NUPR1: variants seen among roughly 807,000 people sequenced by gnomAD.
NUPR1 encodes the protein nuclear protein 1, transcriptional regulator.
A neutral mutation model predicts 7.3 loss-of-function variants in NUPR1; 8 were observed. The ratio of observed to expected loss-of-function variants is 1.09; its 90% CI spans 0.64 to 1.97. The LOEUF is 1.97. NUPR1 is among the 30% of genes most tolerant of loss of function. The pLI is 0.00. For missense variants in NUPR1, 96 were observed against 111.7 expected (o/e 0.86, Z 0.63); for synonymous variants, 39 against 44.5 (o/e 0.88, Z 0.49).
rs1406590742 is a variant in NUPR1 at position 28,535,592 on chromosome 16, C to CT, written c.*2090dup. 2.9e-3 allele frequency: 107 copies of CT among 36,964 alleles called. 1 individual carries two copies. Among genetic ancestry groups the CT allele is most frequent in the African/African-American group, 0.01 (87 of 8,400 alleles). The allele number at this position is 36,964 out of a possible 1,614,324, so 2.3% of individuals were successfully genotyped here. On this transcript the variant is annotated 3_prime_UTR_variant, in exon 3 of 3. Coordinates refer to ENST00000324873, the MANE Select transcript of NUPR1 (RefSeq NM_012385.3). ...CCTTCCTTTCTTTCTTTCTTTCTTTCTTTCTTTCTTTCTTTCTTTCTTTCT... is the reference window on the plus strand; with the variant it reads ...CCTTCCTTTCTTTCTTTCTTTCTTTCTTTTCTTTCTTTCTTTCTTTCTTTCT...
rs1813046265 is a variant in NUPR1 at position 28,538,956 on chromosome 16, C to G, written c.-49G>C. On this transcript the variant is annotated 5_prime_UTR_variant, in exon 1 of 3. Transcript: ENST00000324873. ...CTCTCTTCTTCTCCTAACGCTTTGT[C>G]TGTCTCTGCTTTCCTGGCCCCGGGC... 1 of 1,510,656 alleles carries G rather than the reference C, an allele frequency of 6.6e-7. No individual in the cohort carries two copies. Among genetic ancestry groups the G allele is most frequent in the East Asian group, 2.3e-5 (1 of 43,852 alleles). The allele number at this position is 1,510,656 out of a possible 1,614,324, so 93.6% of individuals were successfully genotyped here.
rs1052066355 is a variant in NUPR1 at position 28,533,522 on chromosome 16, G to A, written c.*4161C>T. 1 of 152,340 alleles carries A rather than the reference G, an allele frequency of 6.6e-6. No homozygotes were observed. The highest frequency in any genetic ancestry group is 1.5e-5 in the Non-Finnish European group (1 of 68,200). 9.4% of individuals were successfully genotyped at this position (152,340 alleles called of 1,614,324 possible). Reference sequence around the variant, plus strand: ...TGAGTAGGTGGGCCCACAGGCACAAGCCACCACACCTGGCTAATTTTTAAT... The same window carrying A: ...TGAGTAGGTGGGCCCACAGGCACAAACCACCACACCTGGCTAATTTTTAAT... On this transcript the variant is annotated 3_prime_UTR_variant, in exon 3 of 3. Transcript: ENST00000324873.
Position 28,535,571 on chromosome 16 carries a change from C to CTTTCTTTCTTTCCTTCCTTT in NUPR1, c.*2111_*2112insAAAGGAAGGAAAGAAAGAAA, listed in dbSNP as rs1555472555. On this transcript the variant is annotated 3_prime_UTR_variant, in exon 3 of 3. Transcript: ENST00000324873. Reference sequence around the variant, plus strand: ...TCTTTCTTTCTTTCTTTCCTTCCTTCCTTTCTTTCTTTCTTTCTTTCTTTC... The same window carrying CTTTCTTTCTTTCCTTCCTTT: ...TCTTTCTTTCTTTCTTTCCTTCCTTCTTTCTTTCTTTCCTTCCTTTCTTTCTTTCTTTCTTTCTTTCTTTC... 1.4e-4 allele frequency: 10 copies of CTTTCTTTCTTTCCTTCCTTT among 71,948 alleles called. No individual in the cohort carries two copies. Among genetic ancestry groups the CTTTCTTTCTTTCCTTCCTTT allele is most frequent in the South Asian group, 5.3e-4 (1 of 1,896 alleles). The allele number at this position is 71,948 out of a possible 1,614,324, so 4.5% of individuals were successfully genotyped here. A position where few individuals can be genotyped will look rare whatever the true frequency, so the allele number is the denominator to read the frequency against.
rs1269133854 is a variant in NUPR1 at position 28,535,700 on chromosome 16, CTTCT to C, written c.*1979_*1982del. 3 of 137,156 alleles carry C rather than the reference CTTCT, an allele frequency of 2.2e-5. No individual in the cohort carries two copies. Among genetic ancestry groups the C allele is most frequent in the African/African-American group, 5.4e-5 (2 of 36,880 alleles). The allele number at this position is 137,156 out of a possible 1,614,324, so 8.5% of individuals were successfully genotyped here. ...TTCCTTCCTTTCTTTTCCTTCCTTCCTTCTTTTTCTCTTTCTTTCTTTCTTTCTT... is the reference window on the plus strand; with the variant it reads ...TTCCTTCCTTTCTTTTCCTTCCTTCCTTTTCTCTTTCTTTCTTTCTTTCTT... On this transcript the variant is annotated 3_prime_UTR_variant, in exon 3 of 3. Coordinates refer to ENST00000324873, the MANE Select transcript of NUPR1 (RefSeq NM_012385.3).
Position 28,534,844 on chromosome 16 carries a change from C to G in NUPR1, c.*2839G>C, listed in dbSNP as rs903712061. 7 of 152,118 alleles carry G rather than the reference C, an allele frequency of 4.6e-5. No homozygotes were observed. Among genetic ancestry groups the G allele is most frequent in the Non-Finnish European group, 1.0e-4 (7 of 68,034 alleles). The allele number at this position is 152,118 out of a possible 1,614,324, so 9.4% of individuals were successfully genotyped here. A position where few individuals can be genotyped will look rare whatever the true frequency, so the allele number is the denominator to read the frequency against. On this transcript the variant is annotated 3_prime_UTR_variant, in exon 3 of 3. Transcript: ENST00000324873. ...CAGGTATTGGAGTAGCTATTTTGGGCCTCAAAGTGGAAGCCATGTTTTGGG... is the reference window on the plus strand; with the variant it reads ...CAGGTATTGGAGTAGCTATTTTGGGGCTCAAAGTGGAAGCCATGTTTTGGG...
rs1204878952 is a variant in NUPR1, at chr16:28,535,596, C to CT, written c.*2086dup. ...CCTTTCTTTCTTTCTTTCTTTCTTT[C>CT]TTTCTTTCTTTCTTTCTTTCTTTCT... On this transcript the variant is annotated 3_prime_UTR_variant, in exon 3 of 3. Transcript: ENST00000324873. The CT allele has an allele frequency of 4.7e-4, 20 of 42,462 alleles. No individual in the cohort carries two copies. The highest frequency in any genetic ancestry group is 2.6e-3 in the African/African-American group (17 of 6,544). The allele number at this position is 42,462 out of a possible 1,614,324, so 2.6% of individuals were successfully genotyped here.
rs866770607 is a variant in NUPR1 at position 28,533,242 on chromosome 16, A to G, written c.*4441T>C. The G allele has an allele frequency of 2.6e-5, 4 of 152,238 alleles. No homozygotes were observed. The highest frequency in any genetic ancestry group is 5.9e-5 in the Non-Finnish European group (4 of 68,066). 9.4% of individuals were successfully genotyped at this position (152,238 alleles called of 1,614,324 possible). A position where few individuals can be genotyped will look rare whatever the true frequency, so the allele number is the denominator to read the frequency against. Reference sequence around the variant, plus strand: ...GAGTTAATATGTAACTTGTATGGAAAGAGGAGTTGGAGGCAAAATCTGAAG... The same window carrying G: ...GAGTTAATATGTAACTTGTATGGAAGGAGGAGTTGGAGGCAAAATCTGAAG... On this transcript the variant is annotated 3_prime_UTR_variant, in exon 3 of 3. Coordinates refer to ENST00000324873, the MANE Select transcript of NUPR1 (RefSeq NM_012385.3).
chr16:28,535,560 T>TTTCTTTCCTTCCTTCC lies in NUPR1; in HGVS notation c.*2122_*2123insGGAAGGAAGGAAAGAA, dbSNP rs2046608462. 31 of 64,236 alleles carry TTTCTTTCCTTCCTTCC rather than the reference T, an allele frequency of 4.8e-4. No individual in the cohort carries two copies. Among genetic ancestry groups the TTTCTTTCCTTCCTTCC allele is most frequent in the East Asian group, 9.1e-4 (2 of 2,192 alleles). 4.0% of individuals were successfully genotyped at this position (64,236 alleles called of 1,614,324 possible). A position where few individuals can be genotyped will look rare whatever the true frequency, so the allele number is the denominator to read the frequency against. On this transcript the variant is annotated 3_prime_UTR_variant, in exon 3 of 3. Transcript: ENST00000324873. The stretch of plus-strand genomic sequence containing the variant: ...CTTTCTTTCCTTCTTTCTTTCTTTC[T>TTTCTTTCCTTCCTTCC]TTCCTTCCTTCCTTTCTTTCTTTCT...
Position 28,535,544 on chromosome 16 carries a change from C to CTTTCTTTCTCT in NUPR1, c.*2138_*2139insAGAGAAAGAAA, listed in dbSNP as rs1406601108. 1.7e-5 allele frequency: 1 copy of CTTTCTTTCTCT among 58,122 alleles called. No homozygotes were observed. Among genetic ancestry groups the CTTTCTTTCTCT allele is most frequent in the African/African-American group, 6.0e-5 (1 of 16,694 alleles). The allele number at this position is 58,122 out of a possible 1,614,324, so 3.6% of individuals were successfully genotyped here. On this transcript the variant is annotated 3_prime_UTR_variant, in exon 3 of 3. Transcript: ENST00000324873. ...CTTTCTTTCTTTCTTTCTTTCTTTC[C>CTTTCTTTCTCT]TTCTTTCTTTCTTTCTTTCCTTCCT... is the stretch of plus-strand genomic sequence containing the variant.
chr16:28,535,564 C>CTTCT lies in NUPR1; in HGVS notation c.*2118_*2119insAGAA, dbSNP rs1567277437. On this transcript the variant is annotated 3_prime_UTR_variant, in exon 3 of 3. Transcript: ENST00000324873. ...CTTTCCTTCTTTCTTTCTTTCTTTC[C>CTTCT]TTCCTTCCTTTCTTTCTTTCTTTCT... The CTTCT allele has an allele frequency of 3.5e-5, 2 of 57,738 alleles. No homozygotes were observed. The highest frequency in any genetic ancestry group is 7.3e-5 in the Non-Finnish European group (2 of 27,578). 3.6% of individuals were successfully genotyped at this position (57,738 alleles called of 1,614,324 possible).
At chr16:28,538,380 G>A in intron 1 of NUPR1, 1 of 638,178 alleles carries the variant, frequency 1.6e-6, no homozygotes, top group Non-Finnish European at 2.7e-6. Flanking sequence ...AGGGTCCAAG[G>A]AACAGGTTGG....
Position 28,535,567 on chromosome 16 carries a change from C to CCTTCCTTCCTTT in NUPR1, c.*2115_*2116insAAAGGAAGGAAG. The stretch of plus-strand genomic sequence containing the variant: ...TCCTTCTTTCTTTCTTTCTTTCCTT[C>CCTTCCTTCCTTT]CTTCCTTTCTTTCTTTCTTTCTTTC... On this transcript the variant is annotated 3_prime_UTR_variant, in exon 3 of 3. Coordinates refer to ENST00000324873, the MANE Select transcript of NUPR1 (RefSeq NM_012385.3). 1 of 67,444 alleles carries CCTTCCTTCCTTT rather than the reference C, an allele frequency of 1.5e-5. No individual in the cohort carries two copies. Among genetic ancestry groups the CCTTCCTTCCTTT allele is most frequent in the South Asian group, 6.6e-4 (1 of 1,512 alleles). The allele number at this position is 67,444 out of a possible 1,614,324, so 4.2% of individuals were successfully genotyped here. A position where few individuals can be genotyped will look rare whatever the true frequency, so the allele number is the denominator to read the frequency against.
intron 2 of NUPR1, 149 bp from the exon 3 acceptor site, chr16:28,537,818 TG>T (rs2046634518): frequency 1.8e-6 from 1 of 561,968 alleles, no homozygotes; most frequent in Non-Finnish European, 3.1e-6. Context: ...TCCCTTCAAT[TG>T]GAAAGGTTCT....
In NUPR1 at chr16:28,535,571, C is replaced by CCTTTCTTTCTTT. The variant is rs61474495; in HGVS notation, c.*2100_*2111dup. 35 of 71,950 alleles carry CCTTTCTTTCTTT rather than the reference C, an allele frequency of 4.9e-4. 1 individual carries two copies. The highest frequency in any genetic ancestry group is 1.8e-3 in the African/African-American group (31 of 16,932). 4.5% of individuals were successfully genotyped at this position (71,950 alleles called of 1,614,324 possible). A position where few individuals can be genotyped will look rare whatever the true frequency, so the allele number is the denominator to read the frequency against. On this transcript the variant is annotated 3_prime_UTR_variant, in exon 3 of 3. Transcript: ENST00000324873. ...TCTTTCTTTCTTTCTTTCCTTCCTT[C>CCTTTCTTTCTTT]CTTTCTTTCTTTCTTTCTTTCTTTC...
In NUPR1 at chr16:28,536,282, G is replaced by A. The variant is rs1190341392; in HGVS notation, c.*1401C>T. 1 of 152,260 alleles carries A rather than the reference G, an allele frequency of 6.6e-6. No individual in the cohort carries two copies. The highest frequency in any genetic ancestry group is 2.4e-5 in the African/African-American group (1 of 41,454). 9.4% of individuals were successfully genotyped at this position (152,260 alleles called of 1,614,324 possible). ...GCAGGAGAATAGCTTGAACCCAGGA[G>A]GCGGAGGTTGCAGTGAGCTGCGATC... On this transcript the variant is annotated 3_prime_UTR_variant, in exon 3 of 3. Coordinates refer to ENST00000324873, the MANE Select transcript of NUPR1 (RefSeq NM_012385.3).
chr16:28,536,499 A>C lies in NUPR1; in HGVS notation c.*1184T>G, dbSNP rs1438575211. 6.6e-6 allele frequency: 1 copy of C among 152,156 alleles called. No individual in the cohort carries two copies. The highest frequency in any genetic ancestry group is 1.5e-5 in the Non-Finnish European group (1 of 68,130). 9.4% of individuals were successfully genotyped at this position (152,156 alleles called of 1,614,324 possible). On this transcript the variant is annotated 3_prime_UTR_variant, in exon 3 of 3. Coordinates refer to ENST00000324873, the MANE Select transcript of NUPR1 (RefSeq NM_012385.3). ...GATGGTGCCACTGCACTCTAACCTG[A>C]GCAACAGAGTGAGACTCTGTCTCAA... is the stretch of plus-strand genomic sequence containing the variant.
chr16:28,537,188 G>C lies in NUPR1; in HGVS notation c.*495C>G, dbSNP rs1293608515. 3 of 152,178 alleles carry C rather than the reference G, an allele frequency of 2.0e-5. No homozygotes were observed. Among genetic ancestry groups the C allele is most frequent in the Non-Finnish European group, 4.4e-5 (3 of 68,068 alleles). The allele number at this position is 152,178 out of a possible 1,614,324, so 9.4% of individuals were successfully genotyped here. On this transcript the variant is annotated 3_prime_UTR_variant, in exon 3 of 3. Coordinates refer to ENST00000324873, the MANE Select transcript of NUPR1 (RefSeq NM_012385.3). ...GCAAGCAAAAGCAAACAAACCAAAA[G>C]CTGCATTCACAGCGTAGACCCTGCA...
chr16:28,538,972 G>T lies in NUPR1; in HGVS notation c.-65C>A. The T allele has an allele frequency of 7.4e-7, 1 of 1,344,252 alleles. No individual in the cohort carries two copies. The highest frequency in any genetic ancestry group is 1.0e-6 in the Non-Finnish European group (1 of 962,986). The allele number at this position is 1,344,252 out of a possible 1,614,324, so 83.3% of individuals were successfully genotyped here. A position where few individuals can be genotyped will look rare whatever the true frequency, so the allele number is the denominator to read the frequency against. The stretch of plus-strand genomic sequence containing the variant: ...ACGCTTTGTCTGTCTCTGCTTTCCT[G>T]GCCCCGGGCCTCTCCACTCCCTCAG... On this transcript the variant is annotated 5_prime_UTR_variant, in exon 1 of 3. Coordinates refer to ENST00000324873, the MANE Select transcript of NUPR1 (RefSeq NM_012385.3).
chr16:28,537,971 C>G, intron 2 of NUPR1, 35 bp downstream of exon 2: 1 of 1,554,396 alleles, frequency 6.4e-7, no homozygotes, highest in Non-Finnish European at 8.8e-7. Context: ...GGCAGAAGCA[C>G]CACCTTGAGC....
Sources: allele counts gnomAD v4.1 joint callset, GRCh38; gene constraint gnomAD v4.1.1; transcripts MANE v1.5; gene names NCBI Gene and HGNC (gene_info 2026-07-23, HGNC 2026-07-21).